Variants in SLCO1A2 observed in about 807,000 individuals in gnomAD.
SLCO1A2 encodes the protein solute carrier organic anion transporter family member 1A2, also known as OATP-1.
Under a neutral mutation model 69.0 loss-of-function variants are expected in SLCO1A2, and 67 were observed. The ratio of observed to expected loss-of-function variants is 0.97; its 90% CI spans 0.80 to 1.19. SLCO1A2 has a LOEUF of 1.19. SLCO1A2 is among the 50% of genes most tolerant of loss of function. The pLI is 0.00. For missense variants in SLCO1A2, 787 were observed against 793.7 expected (o/e 0.99, Z 0.10); for synonymous variants, 260 against 265.9 (o/e 0.98, Z 0.22).
intron 12 of SLCO1A2, among the ~76,000 whole-genome samples, chr12:21,291,848 A>G (rs1946904693): frequency 6.6e-6 from 1 of 152,150 alleles, no homozygotes. Context: ...TTTACCTATC[A>G]AAATGGCCAT....
At chr12:21,322,772 T>A (rs1295278777) in intron 2 of SLCO1A2, among the ~76,000 whole-genome samples, 2 of 152,156 alleles carry the variant, frequency 1.3e-5, no homozygotes, top group East Asian at 3.9e-4. Context: ...CTTCCCATCA[T>A]GGCCTAAACT....
At chr12:21,347,276 A>T (rs71436840) in intron 2 of SLCO1A2, among the ~76,000 whole-genome samples, 1 of 152,218 alleles carries the variant, frequency 6.6e-6, no homozygotes, top group Non-Finnish European at 1.5e-5. Flanking sequence ...ACAAAACCAG[A>T]GGCAGAATGC....
At chr12:21,353,214 A>T (rs968050136) in intron 2 of SLCO1A2, among the ~76,000 whole-genome samples, 3 of 152,160 alleles carry the variant, frequency 2.0e-5, no homozygotes, top group African/African-American at 7.2e-5. Flanking sequence ...TATCATATCT[A>T]CTTAAGTTGG....
intron 8 of SLCO1A2, among the ~76,000 whole-genome samples, chr12:21,298,337 C>T (rs1948063707): frequency 6.6e-6 from 1 of 151,936 alleles, no homozygotes. Context: ...TAATGTGTGG[C>T]CTGCCTCTAG....
upstream of SLCO1A2, among the ~76,000 whole-genome samples, chr12:21,338,798 G>A (rs1009322870): frequency 6.6e-6 from 1 of 151,500 alleles, no homozygotes; most frequent in Non-Finnish European, 1.5e-5. Context: ...TTCTCATAGA[G>A]ACAAGACTTT....
At chr12:21,395,893 C>T (rs1941434521), upstream of SLCO1A2, among the ~76,000 whole-genome samples, 1 of 151,446 alleles carries the variant, frequency 6.6e-6, no homozygotes, top group Non-Finnish European at 1.5e-5. Flanking sequence ...CATCAAAGAC[C>T]AAAAGTAGAT....
intron 1 of SLCO1A2, chr12:21,380,113 T>C (rs1352168160): frequency 1.3e-5 from 2 of 152,160 alleles, no homozygotes; most frequent in Non-Finnish European, 2.9e-5. Flanking sequence ...TACAGTTTTA[T>C]TGCATATCAC....
At chr12:21,371,675 A>G (rs1939801758) in intron 2 of SLCO1A2, among the ~76,000 whole-genome samples, 1 of 152,166 alleles carries the variant, frequency 6.6e-6, no homozygotes, top group South Asian at 2.1e-4. Context: ...AAGTTGTTCT[A>G]TTAATAACTA....
chr12:21,296,047 G>A (rs1345038697), intron 9 of SLCO1A2, among the ~76,000 whole-genome samples: 2 of 152,132 alleles, frequency 1.3e-5, no homozygotes, highest in African/African-American at 2.4e-5. Context: ...GCAGTAGCTT[G>A]TGAATTTCTT....
rs908146160 is a variant in SLCO1A2 at position 21,394,854 on chromosome 12, T to C, written c.-190+52A>G. The C allele has an allele frequency of 5.3e-5, 8 of 152,182 alleles. 1 individual carries two copies. Among genetic ancestry groups the C allele is most frequent in the South Asian group, 2.1e-4 (1 of 4,828 alleles). The allele number at this position is 152,182 out of a possible 1,614,324, so 9.4% of individuals were successfully genotyped here. On this transcript the variant is annotated intron_variant, in intron 1 of 15. Transcript: ENST00000307378. The stretch of plus-strand genomic sequence containing the variant: ...TAATATCAATTGCTAAAAAGATTAA[T>C]TCACATAAAATAACAGATCCTTCCA...
intron 1 of SLCO1A2, among the ~76,000 whole-genome samples, chr12:21,391,981 C>T (rs1429014173): frequency 6.6e-6 from 1 of 152,148 alleles, no homozygotes; most frequent in Non-Finnish European, 1.5e-5. Flanking sequence ...TGCTCTATCT[C>T]CTCTAGAGTT....
chr12:21,326,551 T>G (rs1025883576), intron 2 of SLCO1A2, among the ~76,000 whole-genome samples: 2 of 152,186 alleles, frequency 1.3e-5, no homozygotes, highest in African/African-American at 4.8e-5. Flanking sequence ...GATAATGATA[T>G]GGACAATAAA....
chr12:21,347,275 G>A lies in SLCO1A2; in HGVS notation c.-62-12566C>T, dbSNP rs1259308974. 2.6e-5 allele frequency among the ~76,000 whole-genome samples: 4 copies of A among 152,274 alleles called. No individual in the cohort carries two copies. In the South Asian group the frequency reaches 8.3e-4, roughly 32 times the overall value. ...ATAAGCCTTTCTAAACACAAAACCA[G>A]AGGCAGAATGCCTATATCAAAAAGT... is the stretch of plus-strand genomic sequence containing the variant. On this transcript the variant is annotated intron_variant, in intron 2 of 15. Coordinates refer to the SLCO1A2 transcript ENST00000307378.
In SLCO1A2 at chr12:21,348,257, C is replaced by G. The variant is rs529210630; in HGVS notation, c.-62-13548G>C. Among the ~76,000 whole-genome samples the G allele has an allele frequency of 5.8e-4, 88 of 152,294 alleles. 1 individual carries two copies. Among genetic ancestry groups the G allele is most frequent in the Middle Eastern group, 3.4e-3 (1 of 294 alleles). On this transcript the variant is annotated intron_variant, in intron 2 of 15. Transcript: ENST00000307378. ...TTGAGTTGCAAACCATCCAGTTACA[C>G]TCTTTAAGTTATTTTAAAATGTATG...
intron 5 of SLCO1A2, among the ~76,000 whole-genome samples, chr12:21,305,197 G>T (rs77105756): frequency 0.014 from 2,170 of 152,318 alleles, 48 homozygotes; most frequent in African/African-American, 0.049. Flanking sequence ...AATCCTTGGA[G>T]CCGCAGCTGC....
Position 21,268,590 on chromosome 12 carries a change from G to A in SLCO1A2, c.*958C>T, listed in dbSNP as rs565687014. ...CAAAATAATAATATAAGTAGATTTA[G>A]CTTTTAATATGTACCTTAGCCTTTA... On this transcript the variant is annotated 3_prime_UTR_variant, in exon 15 of 15. Coordinates refer to ENST00000683939, the MANE Select transcript of SLCO1A2 (RefSeq NM_001386879.1). 3.3e-5 allele frequency: 5 copies of A among 152,090 alleles called. No homozygotes were observed. The highest frequency in any genetic ancestry group is 2.0e-4 in the Admixed American group (3 of 15,244). The allele number at this position is 152,090 out of a possible 1,614,324, so 9.4% of individuals were successfully genotyped here. A position where few individuals can be genotyped will look rare whatever the true frequency, so the allele number is the denominator to read the frequency against.
At chr12:21,411,293 AT>A (rs1941902838) in intron 1 of SLCO1A2, among the ~76,000 whole-genome samples, 2 of 152,144 alleles carry the variant, frequency 1.3e-5, no homozygotes, top group Admixed American at 1.3e-4. Context: ...CCTGGAGTTT[AT>A]TTTTTGTATA....
chr12:21,350,886 A>G (rs1937901543), intron 2 of SLCO1A2, among the ~76,000 whole-genome samples: 1 of 144,530 alleles, frequency 6.9e-6, no homozygotes, highest in Non-Finnish European at 1.5e-5. Flanking sequence ...CTGGGAGGTG[A>G]AATTAGATTG....
At chr12:21,328,047 T>A (rs1293611168) in intron 2 of SLCO1A2, among the ~76,000 whole-genome samples, 1 of 152,092 alleles carries the variant, frequency 6.6e-6, no homozygotes, top group East Asian at 1.9e-4. Context: ...AGTGAATAAG[T>A]CTCACAAGCT....
Sources: gnomAD v4.1 joint callset for allele counts (sites outside exome capture counted in the v4.1 genomes callset) on GRCh38, gnomAD v4.1.1 for gene constraint, MANE v1.5 for transcripts, NCBI Gene and HGNC (gene_info 2026-07-23, HGNC 2026-07-21) for gene names.